The following RPE65 variants were observed in gnomAD, a reference collection of about 807,000 sequenced individuals.
The protein encoded by RPE65 is retinoid isomerohydrolase RPE65.
In RPE65, 58 loss-of-function variants were observed where a neutral mutation model predicts 68.5. That is an observed-to-expected ratio of 0.85 (90% CI 0.69 to 1.05). The LOEUF (loss-of-function observed/expected upper bound fraction) is 1.05. Among genes scored for constraint, RPE65 ranks in the 50% least tolerant of loss-of-function variants. RPE65 has a pLI of 0.00. For synonymous variants in RPE65, 220 were observed against 222.2 expected (o/e 0.99, Z 0.09); for missense variants, 643 against 629.9 (o/e 1.02, Z -0.22).
intron 3 of RPE65, among the ~76,000 whole-genome samples, chr1:68,446,445 G>T (rs571671910): frequency 2.0e-5 from 3 of 152,068 alleles, no homozygotes; most frequent in Admixed American, 6.6e-5. Context: ...TCTTGCCAAG[G>T]TTACCCTCCT....
Position 68,439,177 on chromosome 1 carries a change from T to C in RPE65, c.858+14A>G, listed in dbSNP as rs763125041. On this transcript the variant is annotated intron_variant, in intron 8 of 13. Transcript: ENST00000262340. ...TTCAGAATCACAAACTTGACAAATA[T>C]ATCTAAGACTTACCCCCATGGTTTC... The C allele has an allele frequency of 9.3e-6, 15 of 1,613,962 alleles. No individual in the cohort carries two copies. Among genetic ancestry groups the C allele is most frequent in the Non-Finnish European group, 1.2e-5 (14 of 1,179,996 alleles).
In RPE65 at chr1:68,429,693, C is replaced by A; in HGVS notation, c.*83G>T. ...AGTTAAAACCATGACATATAGCAGGCTAAAATTGAACAGAATTTGATTGCA... is the reference window on the plus strand; with the variant it reads ...AGTTAAAACCATGACATATAGCAGGATAAAATTGAACAGAATTTGATTGCA... On this transcript the variant is annotated 3_prime_UTR_variant, in exon 14 of 14. Transcript: ENST00000262340. 1.3e-6 allele frequency: 2 copies of A among 1,573,188 alleles called. No homozygotes were observed. Among genetic ancestry groups the A allele is most frequent in the Non-Finnish European group, 1.7e-6 (2 of 1,148,700 alleles).
chr1:68,446,945 C>A (rs1645947158), intron 2 of RPE65, 85 bp from the exon 3 acceptor site: 8 of 1,563,532 alleles, frequency 5.1e-6, no homozygotes, highest in Non-Finnish European at 7.0e-6. Flanking sequence ...ATATCAGCAG[C>A]CTGATTGGGC....
At position 68,444,811 on chromosome 1, in the gene RPE65, A is replaced by G; in HGVS notation, c.318T>C (p.Cys106=). 1 of 1,614,214 alleles carries G rather than the reference A, an allele frequency of 6.2e-7. No homozygotes were observed. Among genetic ancestry groups the G allele is most frequent in the Non-Finnish European group, 8.5e-7 (1 of 1,180,034 alleles). ...TATTCTTGCAGGGATCTGGGAAAGC[A>G]CAGGTGCCAAATTCTGTTATGACGA... The part of the protein sequence containing the change: ...KRIVITEFGT[C]AFPDPCKNIF... Residue 106 remains cysteine (C), a synonymous_variant, in exon 4 of 14, where the codon TGT becomes TGC. Transcript: ENST00000262340.
At chr1:68,449,795 C>G in intron 1 of RPE65, 100 bp downstream of exon 1, 2 of 1,385,718 alleles carry the variant, frequency 1.4e-6, no homozygotes, top group Admixed American at 3.4e-5. Context: ...CTTTCCTAAA[C>G]AGGTCATTAA....
At chr1:68,449,089 C>T (rs1348066758) in intron 1 of RPE65, among the ~76,000 whole-genome samples, 4 of 152,086 alleles carry the variant, frequency 2.6e-5, no homozygotes, top group Non-Finnish European at 1.5e-5. Flanking sequence ...AAATTTGTTC[C>T]TAAACAGGGT....
rs1419878767 is a variant in RPE65 at position 68,440,857 on chromosome 1, T to C, written c.639A>G (p.Gln213=). ...AYNIVKIPPL[Q]ADKEDPISKS... ...AGGACAGATTGGTAAACTCACCTGCTTGCAGTGGTGGGATCTTTACAATGT... is the reference window on the plus strand; with the variant it reads ...AGGACAGATTGGTAAACTCACCTGCCTGCAGTGGTGGGATCTTTACAATGT... The change falls in exon 6 of 14, where the codon CAA becomes CAG. Residue 213 remains glutamine, a synonymous_variant. Coordinates refer to ENST00000262340, the MANE Select transcript of RPE65 (RefSeq NM_000329.3). 6.2e-7 allele frequency: 1 copy of C among 1,613,876 alleles called. No individual in the cohort carries two copies. The highest frequency in any genetic ancestry group is 1.7e-5 in the Admixed American group (1 of 60,000).
At chr1:68,442,027 A>C (rs1645905443) in intron 5 of RPE65, among the ~76,000 whole-genome samples, 1 of 152,200 alleles carries the variant, frequency 6.6e-6, no homozygotes, top group Non-Finnish European at 1.5e-5. Context: ...TTTAGATAGA[A>C]CTTCAAATTC....
At chr1:68,448,800 C>G (rs1571174399) in intron 1 of RPE65, 94 bp from the exon 2 acceptor site, 1 of 757,240 alleles carries the variant, frequency 1.3e-6, no homozygotes, top group East Asian at 5.6e-5. Flanking sequence ...CACTCTAGGG[C>G]TGGCTCAAAG....
intron 2 of RPE65, among the ~76,000 whole-genome samples, chr1:68,447,885 CA>C (rs938853486): frequency 5.3e-5 from 8 of 151,100 alleles, no homozygotes; most frequent in Middle Eastern, 3.2e-3. Context: ...AAAAAACAAA[CA>C]AAAAAAACCC....
chr1:68,448,177 A>T (rs75509427), intron 2 of RPE65, among the ~76,000 whole-genome samples: 16 of 152,338 alleles, frequency 1.1e-4, no homozygotes, highest in Non-Finnish European at 1.8e-4. Context: ...ATTCACAGAC[A>T]GTGAAATGAT....
chr1:68,438,206 A>T lies in RPE65; in HGVS notation c.1109T>A (p.Leu370His), dbSNP rs776250699. ...APQPEVRRYV[L>H]PLNIDKADTG... ...GGTTACCTTGTCAATATTCAAAGGA[A>T]GTACATATCTCCTAACTTCAGGTTG... The change falls in exon 10 of 14, where the codon CTT becomes CAT. Residue 370 changes from leucine to histidine, a missense_variant. Transcript: ENST00000262340. 1.2e-6 allele frequency: 2 copies of T among 1,613,992 alleles called. No individual in the cohort carries two copies. The highest frequency in any genetic ancestry group is 2.2e-5 in the South Asian group (2 of 91,080).
rs145494150 is a variant in RPE65 at position 68,449,264 on chromosome 1, A to T, written c.12-558T>A. Among the ~76,000 whole-genome samples the T allele has an allele frequency of 7.2e-4, 109 of 151,856 alleles. 1 individual carries two copies. The highest frequency in any genetic ancestry group is 2.6e-3 in the African/African-American group (106 of 41,374). ...CATTATTCACTCATATTATACCATA[A>T]TTTTTTCCCCATCATCTCATTTCTC... On this transcript the variant is annotated intron_variant, in intron 1 of 13. Coordinates refer to ENST00000262340, the MANE Select transcript of RPE65 (RefSeq NM_000329.3).
intron 5 of RPE65, among the ~76,000 whole-genome samples, chr1:68,442,255 A>G (rs1012920508): frequency 2.0e-5 from 3 of 152,226 alleles, no homozygotes; most frequent in African/African-American, 7.2e-5. Flanking sequence ...CATGACTCCA[A>G]CTAATGTTTG....
chr1:68,444,463 A>C lies in RPE65; in HGVS notation c.495+68T>G, dbSNP rs1253563569. Reference sequence around the variant, plus strand: ...GAATCATACATTCGCAGCATGAATAATTTATGTTGAATTAATTTTAAGTTC... The same window carrying C: ...GAATCATACATTCGCAGCATGAATACTTTATGTTGAATTAATTTTAAGTTC... On this transcript the variant is annotated intron_variant, in intron 5 of 13. Coordinates refer to ENST00000262340, the MANE Select transcript of RPE65 (RefSeq NM_000329.3). The C allele has an allele frequency of 2.5e-6, 4 of 1,582,030 alleles. No homozygotes were observed. In the African/African-American group the frequency reaches 5.4e-5, roughly 21 times the overall value.
chr1:68,439,413 A>G, intron 7 of RPE65, 90 bp from the exon 8 acceptor site: 1 of 1,577,090 alleles, frequency 6.3e-7, no homozygotes, highest in Non-Finnish European at 8.7e-7. Flanking sequence ...CTCAGTTACA[A>G]GAATCAACAG....
At position 68,439,068 on chromosome 1, in the gene RPE65, A is replaced by G. The variant is rs771240677; in HGVS notation, c.872T>C (p.Ile291Thr). Residue 291 changes from isoleucine (I) to threonine (T), a missense_variant, in exon 9 of 14, where the codon ATT becomes ACT. Coordinates refer to ENST00000262340, the MANE Select transcript of RPE65 (RefSeq NM_000329.3). The part of the protein sequence containing the change: ...SNETMGVWLH[I>T]ADKKRKKYLN... Reference sequence around the variant, plus strand: ...GTACTTTTTCCTTTTTTTGTCAGCAATATGAAGCCAAACCTTGAAAAATGA... The same window carrying G: ...GTACTTTTTCCTTTTTTTGTCAGCAGTATGAAGCCAAACCTTGAAAAATGA... The G allele has an allele frequency of 1.1e-5, 18 of 1,614,072 alleles. No individual in the cohort carries two copies. The South Asian group carries it at 2.0e-4, about 18-fold the overall frequency.
chr1:68,429,970 G>A (rs1645814637), intron 13 of RPE65, 43 bp from the exon 14 acceptor site: 8 of 1,609,798 alleles, frequency 5.0e-6, no homozygotes, highest in Non-Finnish European at 6.8e-6. Context: ...GTTTTTAAAA[G>A]CCCAAGCTAT....
intron 9 of RPE65, 93 bp downstream of exon 9, chr1:68,438,849 A>G: frequency 1.3e-6 from 2 of 1,485,072 alleles, no homozygotes; most frequent in Non-Finnish European, 1.9e-6. Context: ...GCTGTTTTAG[A>G]TGTGATTCAG....
Sources: gnomAD v4.1 joint callset for allele counts (sites outside exome capture counted in the v4.1 genomes callset) on GRCh38, gnomAD v4.1.1 for gene constraint, MANE v1.5 for transcripts, NCBI Gene and HGNC (gene_info 2026-07-23, HGNC 2026-07-21) for gene names.